The following URI1 variants were observed in gnomAD, a reference collection of about 807,000 sequenced individuals.
URI1 encodes the protein URI1 prefoldin like chaperone.
URI1 carries 39 observed loss-of-function variants against 60.2 expected under a neutral mutation model. That is an observed-to-expected ratio of 0.65 (90% CI 0.50 to 0.85). The LOEUF (loss-of-function observed/expected upper bound fraction) is 0.85. Ranked by LOEUF, URI1 falls within the 40% of genes least tolerant of loss-of-function variation. The pLI is 0.00. For missense variants in URI1, 691 were observed against 665.9 expected (o/e 1.04, Z -0.42); for synonymous variants, 251 against 236.8 (o/e 1.06, Z -0.55).
intron 1 of URI1, among the ~76,000 whole-genome samples, chr19:29,955,153 A>T: frequency 6.8e-6 from 1 of 147,234 alleles, no homozygotes; most frequent in African/African-American, 2.5e-5. Context: ...TTTAGTAGAG[A>T]CGGGGTTTCA....
intron 1 of URI1, among the ~76,000 whole-genome samples, chr19:29,949,320 G>C (rs2055146741): frequency 6.6e-6 from 1 of 151,922 alleles, no homozygotes. Flanking sequence ...CGGGGCGGCG[G>C]GGCGGAGGTG....
At chr19:29,943,353 A>T (rs2055057352) in intron 1 of URI1, among the ~76,000 whole-genome samples, 1 of 152,220 alleles carries the variant, frequency 6.6e-6, no homozygotes, top group Non-Finnish European at 1.5e-5. Context: ...GTGGGACTTT[A>T]TATAAAGAAG....
chr19:30,002,054 C>G (rs781342917), intron 4 of URI1, among the ~76,000 whole-genome samples: 2 of 151,808 alleles, frequency 1.3e-5, no homozygotes, highest in Non-Finnish European at 2.9e-5. Flanking sequence ...ACAAAAGAAA[C>G]GAGGTTGAGA....
chr19:29,935,519 A>G (rs1002561499), intron 1 of URI1, among the ~76,000 whole-genome samples: 3 of 151,824 alleles, frequency 2.0e-5, no homozygotes, highest in Admixed American at 6.6e-5. Flanking sequence ...TTTTCTCATC[A>G]TGGCTTTGAA....
At chr19:29,979,122 T>C (rs978204382) in intron 2 of URI1, among the ~76,000 whole-genome samples, 4 of 152,300 alleles carry the variant, frequency 2.6e-5, no homozygotes, top group South Asian at 4.1e-4. Flanking sequence ...AAGTGTAAAG[T>C]AGCAAAACCT....
chr19:30,015,362 A>G lies in URI1; in HGVS notation c.*293A>G. On this transcript the variant is annotated 3_prime_UTR_variant, in exon 11 of 11. Coordinates refer to ENST00000392271, the MANE Select transcript of URI1 (RefSeq NM_003796.3). ...TTACTTTTCAAAGAATACTGTTCAT[A>G]TGCATTGTTTTTGTGTTTCAAACTA... 1 of 1,431,744 alleles carries G rather than the reference A, an allele frequency of 7.0e-7. No individual in the cohort carries two copies. Among genetic ancestry groups the G allele is most frequent in the African/African-American group, 1.4e-5 (1 of 69,766 alleles). The allele number at this position is 1,431,744 out of a possible 1,614,324, so 88.7% of individuals were successfully genotyped here. A position where few individuals can be genotyped will look rare whatever the true frequency, so the allele number is the denominator to read the frequency against.
chr19:29,941,615 A>AAC (rs1381301123), upstream of URI1, among the ~76,000 whole-genome samples: 1 of 151,202 alleles, frequency 6.6e-6, no homozygotes, highest in Non-Finnish European at 1.5e-5. Flanking sequence ...ACCAAGACTC[A>AAC]GTCTCTTAAA....
At chr19:30,002,307 T>C (rs1318422624) in intron 4 of URI1, among the ~76,000 whole-genome samples, 1 of 152,060 alleles carries the variant, frequency 6.6e-6, no homozygotes, top group Non-Finnish European at 1.5e-5. Context: ...TGAGTAGGCA[T>C]ATCGTTTATC....
intron 1 of URI1, among the ~76,000 whole-genome samples, chr19:29,960,629 T>C (rs1309875923): frequency 1.3e-5 from 2 of 152,124 alleles, no homozygotes; most frequent in African/African-American, 4.8e-5. Context: ...TTAAAAAAAA[T>C]CTTCTTAACT....
At chr19:29,942,791 T>G in intron 1 of URI1, 127 bp downstream of exon 1, 2 of 1,129,996 alleles carry the variant, frequency 1.8e-6, no homozygotes, top group South Asian at 3.3e-5. Context: ...GGATAAACTT[T>G]TGTCACGTGC....
intron 10 of URI1, among the ~76,000 whole-genome samples, chr19:30,014,528 C>CT (rs1252282098): frequency 6.6e-6 from 1 of 152,160 alleles, no homozygotes; most frequent in Non-Finnish European, 1.5e-5. Context: ...GTTTGACACC[C>CT]TAATAGCATT....
In URI1 at chr19:30,009,251, C is replaced by T; in HGVS notation, c.933C>T (p.Asp311=). ...ATGATGATGATGACGACGACGACGA[C>T]AACATTGACGACGATGATGGTGATA... ...DDDDDDDDDD[D]NIDDDDGDND... Residue 311 remains aspartate, a synonymous_variant, in exon 8 of 11, where the codon GAC becomes GAT. Transcript: ENST00000392271. The T allele has an allele frequency of 6.2e-7, 1 of 1,613,654 alleles. No homozygotes were observed. The highest frequency in any genetic ancestry group is 8.5e-7 in the Non-Finnish European group (1 of 1,179,770).
At chr19:29,987,741 C>T (rs1046008792) in intron 4 of URI1, among the ~76,000 whole-genome samples, 6 of 152,012 alleles carry the variant, frequency 3.9e-5, no homozygotes, top group African/African-American at 1.2e-4. Flanking sequence ...GAATAGAGCT[C>T]TAGAGTAGAG....
At chr19:30,014,498 A>G (rs1433801613) in intron 10 of URI1, among the ~76,000 whole-genome samples, 1 of 152,246 alleles carries the variant, frequency 6.6e-6, no homozygotes, top group African/African-American at 2.4e-5. Context: ...TCATTCATCA[A>G]CTGATGTACA....
chr19:29,995,634 A>G (rs2055802522), intron 4 of URI1, among the ~76,000 whole-genome samples: 1 of 149,334 alleles, frequency 6.7e-6, no homozygotes, highest in African/African-American at 2.5e-5. Context: ...TTTAATTTTC[A>G]CTGTCCAGTT....
At chr19:29,972,459 G>A (rs966679370) in intron 2 of URI1, among the ~76,000 whole-genome samples, 2 of 152,058 alleles carry the variant, frequency 1.3e-5, no homozygotes, top group African/African-American at 2.4e-5. Flanking sequence ...ATTTCCAGAG[G>A]AAGTTTATTA....
intron 5 of URI1, 24 bp from the exon 6 acceptor site, chr19:30,005,627 G>A (rs761475383): frequency 8.2e-5 from 132 of 1,603,088 alleles, no homozygotes; most frequent in South Asian, 2.5e-4. Flanking sequence ...TTGTTAATAC[G>A]CTTTTTTTTT....
At chr19:29,974,906 A>T (rs2055501903) in intron 2 of URI1, among the ~76,000 whole-genome samples, 1 of 152,178 alleles carries the variant, frequency 6.6e-6, no homozygotes. Flanking sequence ...ATGTTACTGC[A>T]AATATTTCTT....
intron 4 of URI1, among the ~76,000 whole-genome samples, chr19:29,989,990 G>T (rs921769824): frequency 6.6e-6 from 1 of 151,756 alleles, no homozygotes; most frequent in Non-Finnish European, 1.5e-5. Context: ...TTTCTTCTGT[G>T]TTTTCTTCTG....
Sources: gnomAD v4.1 joint callset for allele counts (sites outside exome capture counted in the v4.1 genomes callset) on GRCh38, gnomAD v4.1.1 for gene constraint, MANE v1.5 for transcripts, NCBI Gene and HGNC (gene_info 2026-07-23, HGNC 2026-07-21) for gene names.